The following SLMAP variants were observed in gnomAD, a reference collection of about 807,000 sequenced individuals.
The protein encoded by SLMAP is sarcolemma associated protein, also known as sarcolemmal membrane-associated protein.
SLMAP carries 44 observed loss-of-function variants against 128.8 expected under a neutral mutation model. The observed-to-expected ratio is 0.34, with a 90% CI of 0.27 to 0.44. SLMAP has a LOEUF of 0.44. Among genes scored for constraint, SLMAP ranks in the 20% least tolerant of loss-of-function variants. The pLI, the probability that SLMAP is intolerant of heterozygous loss-of-function variation, is 1.00. For missense variants in SLMAP, 787 were observed against 985.3 expected (o/e 0.80, Z 2.69); for synonymous variants, 327 against 348.8 (o/e 0.94, Z 0.70).
intron 2 of SLMAP, among the ~76,000 whole-genome samples, chr3:57,826,333 G>T (rs1386708885): frequency 6.6e-6 from 1 of 152,122 alleles, no homozygotes. Flanking sequence ...TATCTGTAAA[G>T]ATACTATTCT....
chr3:57,869,904 G>GT (rs2095441771), intron 13 of SLMAP, among the ~76,000 whole-genome samples: 1 of 150,938 alleles, frequency 6.6e-6, no homozygotes, highest in Non-Finnish European at 1.5e-5. Context: ...GATAACACAG[G>GT]TATATAAATA....
chr3:57,856,853 G>A (rs544267512), intron 6 of SLMAP, among the ~76,000 whole-genome samples: 3 of 152,180 alleles, frequency 2.0e-5, no homozygotes, highest in East Asian at 3.9e-4. Flanking sequence ...CCTCAAACAC[G>A]TGAGTAATGC....
intron 15 of SLMAP, among the ~76,000 whole-genome samples, chr3:57,894,163 G>A (rs1409656516): frequency 6.6e-6 from 1 of 151,974 alleles, no homozygotes; most frequent in Non-Finnish European, 1.5e-5. Context: ...ATTTTTCAGT[G>A]TATGACTATG....
At chr3:57,784,591 A>G (rs1339735046) in intron 2 of SLMAP, among the ~76,000 whole-genome samples, 4 of 152,250 alleles carry the variant, frequency 2.6e-5, no homozygotes, top group Middle Eastern at 6.8e-3. Flanking sequence ...AGTCTCACCT[A>G]TATCTGATTT....
intron 2 of SLMAP, among the ~76,000 whole-genome samples, chr3:57,798,487 T>C (rs1232350380): frequency 6.6e-6 from 1 of 152,154 alleles, no homozygotes; most frequent in Non-Finnish European, 1.5e-5. Flanking sequence ...GGCTGTTAGG[T>C]TGTAGCTATT....
At chr3:57,881,510 C>T (rs1231319204) in intron 14 of SLMAP, among the ~76,000 whole-genome samples, 2 of 152,054 alleles carry the variant, frequency 1.3e-5, no homozygotes, top group African/African-American at 4.8e-5. Flanking sequence ...CAGGCTGGAG[C>T]GCAGTGGTGC....
chr3:57,895,639 C>G (rs1213914147), intron 15 of SLMAP, among the ~76,000 whole-genome samples: 1 of 151,502 alleles, frequency 6.6e-6, no homozygotes, highest in African/African-American at 2.4e-5. Context: ...TGGCCCTAAA[C>G]TTTTTAAAAA....
At chr3:57,771,542 T>C (rs1269833991) in intron 2 of SLMAP, among the ~76,000 whole-genome samples, 1 of 152,158 alleles carries the variant, frequency 6.6e-6, no homozygotes, top group Non-Finnish European at 1.5e-5. Context: ...TTTTCTTCTT[T>C]TTTTTTAGAC....
intron 2 of SLMAP, among the ~76,000 whole-genome samples, chr3:57,786,270 T>C (rs145886113): frequency 1.3e-5 from 2 of 152,210 alleles, no homozygotes; most frequent in East Asian, 3.9e-4. Context: ...CTTTCAGGGG[T>C]TCAGGCTGAA....
At chr3:57,910,835 C>T (rs979292022) in intron 19 of SLMAP, among the ~76,000 whole-genome samples, 3 of 152,162 alleles carry the variant, frequency 2.0e-5, no homozygotes, top group Non-Finnish European at 4.4e-5. Flanking sequence ...CAAGTAATCA[C>T]TATTCAGAAG....
chr3:57,911,599 A>G (rs1203763935), intron 19 of SLMAP, among the ~76,000 whole-genome samples: 1 of 152,216 alleles, frequency 6.6e-6, no homozygotes, highest in Admixed American at 6.5e-5. Flanking sequence ...TTGATTGTTT[A>G]CTGTGTTAGA....
intron 24 of SLMAP, among the ~76,000 whole-genome samples, chr3:57,926,904 A>G (rs2097020194): frequency 6.6e-6 from 1 of 152,212 alleles, no homozygotes; most frequent in Non-Finnish European, 1.5e-5. Flanking sequence ...GGTTCTTATC[A>G]AGAAATAAAC....
At chr3:57,900,885 T>C (rs972093915) in intron 17 of SLMAP, 8 of 152,176 alleles carry the variant, frequency 5.3e-5, no homozygotes, top group Non-Finnish European at 1.2e-4. Context: ...TTTAAAACTT[T>C]GTATTTTCCT....
chr3:57,865,439 T>C, intron 13 of SLMAP, 147 bp downstream of exon 13: 1 of 436,800 alleles, frequency 2.3e-6, no homozygotes, highest in Non-Finnish European at 4.0e-6. Context: ...AATCAAGCTT[T>C]CCTTTATTTT....
intron 2 of SLMAP, among the ~76,000 whole-genome samples, chr3:57,825,522 T>C (rs568226113): frequency 2.0e-4 from 30 of 151,770 alleles, no homozygotes; most frequent in African/African-American, 7.2e-4. Flanking sequence ...TTTTTCATTT[T>C]CTACAAATGT....
rs139473739 is a variant in SLMAP at position 57,757,230 on chromosome 3, A to G, written c.-422A>G. On this transcript the variant is annotated 5_prime_UTR_variant, in exon 2 of 25. Coordinates refer to ENST00000671191, the MANE Select transcript of SLMAP (RefSeq NM_001377540.1). The stretch of plus-strand genomic sequence containing the variant: ...CCTTCATTCATGCTGCAGTGCTGCA[A>G]CGTTTCCGCCACCAAGGGGGAAAAG... The G allele has an allele frequency of 1.4e-3, 379 of 279,778 alleles. 2 individuals are homozygous for G. The highest frequency in any genetic ancestry group is 2.5e-3 in the South Asian group (70 of 28,350). 17.3% of individuals were successfully genotyped at this position (279,778 alleles called of 1,614,324 possible).
Position 57,864,800 on chromosome 3 carries a change from T to G in SLMAP, c.1136-7T>G. 1.3e-6 allele frequency: 2 copies of G among 1,579,970 alleles called. No homozygotes were observed. The highest frequency in any genetic ancestry group is 1.7e-6 in the Non-Finnish European group (2 of 1,168,274). ...TATCTTTTTTTTTTTTGGACTTTTA[T>G]TTACAGTACGGTTAGAACATCTTCA... On this transcript the variant is annotated splice_region_variant and splice_polypyrimidine_tract_variant and intron_variant, in intron 11 of 24. Transcript: ENST00000671191.
chr3:57,889,315 A>G (rs902661744), intron 14 of SLMAP, among the ~76,000 whole-genome samples: 3 of 152,238 alleles, frequency 2.0e-5, no homozygotes, highest in East Asian at 3.8e-4. Flanking sequence ...AGCAGTTTCA[A>G]TGGTTGAGTG....
At chr3:57,899,572 T>C (rs2096321414) in intron 17 of SLMAP, 1 of 152,180 alleles carries the variant, frequency 6.6e-6, no homozygotes, top group South Asian at 2.1e-4. Flanking sequence ...TTTTGTTTTG[T>C]TTTGTTTTTA....
Sources: gnomAD v4.1 joint callset for allele counts (sites outside exome capture counted in the v4.1 genomes callset) on GRCh38, gnomAD v4.1.1 for gene constraint, MANE v1.5 for transcripts, NCBI Gene and HGNC (gene_info 2026-07-23, HGNC 2026-07-21) for gene names.